The following WWOX variants were observed in gnomAD, a reference collection of about 807,000 sequenced individuals.
WWOX encodes the protein WW domain-containing oxidoreductase.
In WWOX, 69 loss-of-function variants were observed where a neutral mutation model predicts 46.2. That is an observed-to-expected ratio of 1.49 (90% CI 1.23 to 1.82). The LOEUF is 1.82. Among genes scored for constraint, WWOX ranks in the 40% most tolerant of loss-of-function variants. The pLI is 0.00. For missense variants in WWOX, 919 were observed against 542.6 expected, an observed-to-expected ratio of 1.69 and a Z score of -6.89; for synonymous variants, 359 against 202.6, an observed-to-expected ratio of 1.77 and a Z score of -6.56.
chr16:78,733,704 G>C (rs1217419930), intron 8 of WWOX, among the ~76,000 whole-genome samples: 1 of 150,102 alleles, frequency 6.7e-6, no homozygotes, highest in African/African-American at 2.5e-5. Context: ...GCAGTGAGCC[G>C]AGATCATGCC....
chr16:78,790,597 A>G (rs983104511), intron 8 of WWOX, among the ~76,000 whole-genome samples: 4 of 152,210 alleles, frequency 2.6e-5, no homozygotes, highest in Non-Finnish European at 5.9e-5. Flanking sequence ...TGAAAAGAGG[A>G]GCCTGTTTTC....
intron 4 of WWOX, among the ~76,000 whole-genome samples, chr16:78,150,063 A>G (rs1386368170): frequency 5.3e-5 from 8 of 152,124 alleles, no homozygotes; most frequent in Non-Finnish European, 1.0e-4. Context: ...ATCATCCCCT[A>G]CTTCAAATGC....
intron 8 of WWOX, among the ~76,000 whole-genome samples, chr16:78,742,937 C>T (rs932687466): frequency 6.6e-6 from 1 of 152,088 alleles, no homozygotes; most frequent in African/African-American, 2.4e-5. Flanking sequence ...AAGGAGAAGG[C>T]CCTGGCTTGT....
intron 8 of WWOX, among the ~76,000 whole-genome samples, chr16:78,737,531 A>G (rs775138053): frequency 7.9e-5 from 12 of 152,082 alleles, no homozygotes; most frequent in African/African-American, 1.7e-4. Context: ...TGATGTACCC[A>G]TCACCCGGGC....
At chr16:78,773,409 G>A (rs149439267) in intron 8 of WWOX, among the ~76,000 whole-genome samples, 1 of 152,276 alleles carries the variant, frequency 6.6e-6, no homozygotes, top group African/African-American at 2.4e-5. Context: ...GTAAGTCATT[G>A]GCTGCAGAGC....
chr16:79,010,173 A>G (rs917724257), intron 8 of WWOX, among the ~76,000 whole-genome samples: 35 of 152,256 alleles, frequency 2.3e-4, no homozygotes, highest in African/African-American at 8.2e-4. Context: ...ACAAGTGTTT[A>G]TTTACAAGGC....
At chr16:78,466,266 T>C in intron 8 of WWOX, among the ~76,000 whole-genome samples, 1 of 151,940 alleles carries the variant, frequency 6.6e-6, no homozygotes, top group Non-Finnish European at 1.5e-5. Flanking sequence ...CTCCTGACCT[T>C]TTGATCAGCC....
At position 78,170,814 on chromosome 16, in the gene WWOX, G is replaced by A. The variant is rs538555580; in HGVS notation, c.516+6525G>A. ...AGCAAGCAATGGTTTATATCAAAATGATTATTGAGAAAGCAGAGAGATGAG... is the reference window on the plus strand; with the variant it reads ...AGCAAGCAATGGTTTATATCAAAATAATTATTGAGAAAGCAGAGAGATGAG... On this transcript the variant is annotated intron_variant, in intron 5 of 8. Transcript: ENST00000566780. 5.9e-5 allele frequency among the ~76,000 whole-genome samples: 9 copies of A among 152,330 alleles called. No individual in the cohort carries two copies. The South Asian group carries it at 1.7e-3, about 28-fold the overall frequency.
intron 5 of WWOX, among the ~76,000 whole-genome samples, chr16:78,379,529 C>T (rs2081907297): frequency 6.6e-6 from 1 of 152,184 alleles, no homozygotes; most frequent in Admixed American, 6.5e-5. Context: ...TAACAAAGAG[C>T]TGCTGCTTTG....
chr16:79,210,907 A>C (rs1381391163), intron 8 of WWOX, among the ~76,000 whole-genome samples: 1 of 152,188 alleles, frequency 6.6e-6, no homozygotes, highest in Non-Finnish European at 1.5e-5. Flanking sequence ...CTGGGAGGAA[A>C]TGTACCCCCT....
At chr16:78,421,368 C>G (rs901204814) in intron 6 of WWOX, among the ~76,000 whole-genome samples, 1 of 152,162 alleles carries the variant, frequency 6.6e-6, no homozygotes, top group African/African-American at 2.4e-5. Flanking sequence ...TCAGTCTAAT[C>G]TCTGCCTCTG....
chr16:78,402,107 A>C (rs1266720289), intron 6 of WWOX, among the ~76,000 whole-genome samples: 1 of 152,224 alleles, frequency 6.6e-6, no homozygotes, highest in Non-Finnish European at 1.5e-5. Context: ...CTCCAAAAAG[A>C]AATCTCATAA....
chr16:78,869,990 C>G (rs1283768126), intron 8 of WWOX, among the ~76,000 whole-genome samples: 1 of 152,206 alleles, frequency 6.6e-6, no homozygotes, highest in African/African-American at 2.4e-5. Flanking sequence ...CTGAATGACA[C>G]AGATCAAAGT....
chr16:79,114,728 C>T (rs2049480269), intron 8 of WWOX, among the ~76,000 whole-genome samples: 1 of 152,170 alleles, frequency 6.6e-6, no homozygotes, highest in African/African-American at 2.4e-5. Context: ...ACAGCATCCC[C>T]TGTCAACAAA....
intron 8 of WWOX, among the ~76,000 whole-genome samples, chr16:78,942,896 C>T (rs1430049271): frequency 1.3e-5 from 2 of 152,190 alleles, no homozygotes; most frequent in Non-Finnish European, 2.9e-5. Context: ...TTCTTTGCTT[C>T]TTTGCTGACT....
chr16:78,658,136 C>A (rs541712164), intron 8 of WWOX, among the ~76,000 whole-genome samples: 1 of 152,224 alleles, frequency 6.6e-6, no homozygotes, highest in South Asian at 2.1e-4. Context: ...TCTATTTCCT[C>A]AAGTCTCAAA....
intron 8 of WWOX, among the ~76,000 whole-genome samples, chr16:79,073,105 C>A (rs561353754): frequency 6.6e-6 from 1 of 151,578 alleles, no homozygotes; most frequent in South Asian, 2.1e-4. Context: ...CATTATGGTA[C>A]ATAAAAGAGC....
intron 3 of WWOX, among the ~76,000 whole-genome samples, chr16:78,114,058 T>G (rs2032641617): frequency 6.6e-6 from 1 of 151,652 alleles, no homozygotes; most frequent in African/African-American, 2.4e-5. Context: ...TAAATTCTAT[T>G]ATAAGGAGTA....
chr16:78,677,693 T>C (rs8062753), intron 8 of WWOX, among the ~76,000 whole-genome samples: 14,179 of 152,204 alleles, frequency 0.093, 1,404 homozygotes, highest in African/African-American at 0.25. Flanking sequence ...TTATCTCTTG[T>C]GATGAACTCA....
Sources: allele counts gnomAD v4.1 joint callset (sites outside exome capture counted in the v4.1 genomes callset), GRCh38; gene constraint gnomAD v4.1.1; transcripts MANE v1.5; gene names NCBI Gene and HGNC (gene_info 2026-07-23, HGNC 2026-07-21).